The following NRXN1 variants were observed in gnomAD, a reference collection of about 807,000 sequenced individuals.
The protein encoded by NRXN1 is neurexin-1.
Under a neutral mutation model 150.9 loss-of-function variants are expected in NRXN1, and 39 were observed. The ratio of observed to expected loss-of-function variants is 0.26; its 90% CI spans 0.20 to 0.34. The LOEUF (loss-of-function observed/expected upper bound fraction) is 0.34. Among genes scored for constraint, NRXN1 ranks in the 10% least tolerant of loss-of-function variants. The pLI, the probability that NRXN1 is intolerant of heterozygous loss-of-function variation, is 1.00. For missense variants in NRXN1, 1,815 were observed against 1,949.9 expected, an observed-to-expected ratio of 0.93 and a Z score of 1.30; for synonymous variants, 924 against 757.0, an observed-to-expected ratio of 1.22 and a Z score of -3.62.
chr2:50,427,430 C>G (rs1302190430), intron 17 of NRXN1, among the ~76,000 whole-genome samples: 1 of 150,592 alleles, frequency 6.6e-6, no homozygotes, highest in Non-Finnish European at 1.5e-5. Flanking sequence ...GCTGCCATAT[C>G]TGGAAATGGC....
At chr2:50,500,892 GTA>G (rs993094580) in intron 13 of NRXN1, among the ~76,000 whole-genome samples, 5 of 152,160 alleles carry the variant, frequency 3.3e-5, no homozygotes, top group African/African-American at 9.7e-5. Flanking sequence ...TGATTGTGTG[GTA>G]TATGTGTCCG....
chr2:50,720,666 T>G (rs1418000954), intron 5 of NRXN1, among the ~76,000 whole-genome samples: 14 of 152,204 alleles, frequency 9.2e-5, no homozygotes, highest in Admixed American at 9.2e-4. Flanking sequence ...TCTTCCCAGT[T>G]TCTCTGAGAT....
chr2:50,982,965 C>T (rs1342377995), intron 2 of NRXN1, among the ~76,000 whole-genome samples: 4 of 151,954 alleles, frequency 2.6e-5, no homozygotes, highest in African/African-American at 9.7e-5. Context: ...CTTATTTATT[C>T]ATTTATTCAT....
intron 5 of NRXN1, among the ~76,000 whole-genome samples, chr2:50,775,636 C>G (rs188029391): frequency 1.3e-5 from 2 of 152,160 alleles, no homozygotes; most frequent in South Asian, 2.1e-4. Flanking sequence ...TTAGAGGACA[C>G]GCTCAGTGTT....
intron 12 of NRXN1, among the ~76,000 whole-genome samples, chr2:50,512,645 T>C (rs116026617): frequency 1.3e-5 from 2 of 152,200 alleles, no homozygotes; most frequent in African/African-American, 4.8e-5. Context: ...ATGAAACTAA[T>C]GCCTGGGTCT....
chr2:50,727,261 A>C (rs1697482969), intron 5 of NRXN1, among the ~76,000 whole-genome samples: 1 of 152,184 alleles, frequency 6.6e-6, no homozygotes, highest in Non-Finnish European at 1.5e-5. Flanking sequence ...TCATCTGTTA[A>C]ACAATTTATA....
At chr2:50,314,576 T>C (rs935446944) in intron 17 of NRXN1, among the ~76,000 whole-genome samples, 1 of 151,618 alleles carries the variant, frequency 6.6e-6, no homozygotes, top group Non-Finnish European at 1.5e-5. Context: ...TCTGAGTTTA[T>C]TTTTTAAATG....
chr2:50,754,027 T>G (rs929907473), intron 5 of NRXN1, among the ~76,000 whole-genome samples: 2 of 151,332 alleles, frequency 1.3e-5, no homozygotes, highest in African/African-American at 4.9e-5. Flanking sequence ...AAAATAATAT[T>G]GCAGGAAAAC....
At chr2:50,069,082 A>G (rs993521955) in intron 19 of NRXN1, among the ~76,000 whole-genome samples, 1 of 152,230 alleles carries the variant, frequency 6.6e-6, no homozygotes, top group African/African-American at 2.4e-5. Flanking sequence ...TCAGGGTACT[A>G]CCATGTGTTC....
chr2:50,468,816 T>C (rs1309671534), intron 16 of NRXN1, among the ~76,000 whole-genome samples: 2 of 151,514 alleles, frequency 1.3e-5, no homozygotes, highest in East Asian at 3.9e-4. Context: ...GTATAGAGTC[T>C]TGATGATTTA....
At chr2:50,891,749 T>C (rs951743297) in intron 5 of NRXN1, among the ~76,000 whole-genome samples, 4 of 152,118 alleles carry the variant, frequency 2.6e-5, no homozygotes, top group Admixed American at 2.6e-4. Flanking sequence ...AATGGGAATG[T>C]ACCATAAGCC....
At chr2:50,074,771 C>A (rs537756356) in intron 19 of NRXN1, among the ~76,000 whole-genome samples, 12 of 152,268 alleles carry the variant, frequency 7.9e-5, no homozygotes, top group African/African-American at 2.9e-4. Flanking sequence ...TACTCTTGTT[C>A]ATGCTATTTC....
intron 22 of NRXN1, among the ~76,000 whole-genome samples, chr2:49,940,752 G>C (rs1283523657): frequency 6.6e-6 from 1 of 152,160 alleles, no homozygotes; most frequent in Non-Finnish European, 1.5e-5. Context: ...TAGGGAGGTG[G>C]ACAGAAAAAG....
intron 5 of NRXN1, among the ~76,000 whole-genome samples, chr2:50,874,601 G>A (rs962583431): frequency 6.6e-6 from 1 of 151,916 alleles, no homozygotes; most frequent in Middle Eastern, 3.4e-3. Context: ...AAATGAAATA[G>A]TAGTAATAAA....
At chr2:50,694,233 G>T (rs1455934318) in intron 5 of NRXN1, among the ~76,000 whole-genome samples, 3 of 152,148 alleles carry the variant, frequency 2.0e-5, no homozygotes, top group Non-Finnish European at 4.4e-5. Flanking sequence ...TAAATTAATG[G>T]ATTAGACTAG....
chr2:50,530,471 A>G (rs1042030823), intron 11 of NRXN1, among the ~76,000 whole-genome samples: 5 of 152,198 alleles, frequency 3.3e-5, no homozygotes, highest in Admixed American at 6.5e-5. Context: ...GCTTAAACAA[A>G]TTTTAAAATC....
chr2:50,782,755 G>T (rs1360027737), intron 5 of NRXN1, among the ~76,000 whole-genome samples: 1 of 152,148 alleles, frequency 6.6e-6, no homozygotes, highest in African/African-American at 2.4e-5. Context: ...TTATTTCTGG[G>T]TTATGGCTGG....
At chr2:50,529,928 A>T (rs997938049) in intron 11 of NRXN1, among the ~76,000 whole-genome samples, 45 of 152,232 alleles carry the variant, frequency 3.0e-4, no homozygotes, top group African/African-American at 1.1e-3. Context: ...TATATGCAAT[A>T]AGATACCAAT....
At chr2:50,569,011 G>A (rs1670264616) in intron 8 of NRXN1, among the ~76,000 whole-genome samples, 1 of 152,046 alleles carries the variant, frequency 6.6e-6, no homozygotes, top group Non-Finnish European at 1.5e-5. Flanking sequence ...TGAAACTGGA[G>A]GTCATATTGT....
Sources: gnomAD v4.1 joint callset for allele counts (sites outside exome capture counted in the v4.1 genomes callset) on GRCh38, gnomAD v4.1.1 for gene constraint, MANE v1.5 for transcripts, NCBI Gene and HGNC (gene_info 2026-07-23, HGNC 2026-07-21) for gene names.